The following DOCK1 variants were observed in gnomAD, a reference collection of about 807,000 sequenced individuals.
DOCK1 encodes dedicator of cytokinesis protein 1.
In DOCK1, 138 loss-of-function variants were observed where a neutral mutation model predicts 262.7. The observed-to-expected ratio is 0.53, with a 90% confidence interval of 0.46 to 0.61. The LOEUF (loss-of-function observed/expected upper bound fraction) is 0.61. Among genes scored for constraint, DOCK1 ranks in the 20% least tolerant of loss-of-function variants. The probability of loss-of-function intolerance (pLI) is 0.00; values close to 1 mark genes in which losing one functional copy is unlikely to be tolerated. For missense variants in DOCK1, 1,908 were observed against 2,370.7 expected (o/e 0.80, Z 4.05); for synonymous variants, 866 against 867.4 (o/e 1.00, Z 0.03).
intron 29 of DOCK1, among the ~76,000 whole-genome samples, chr10:127,292,235 G>C (rs1473689468): frequency 6.6e-6 from 1 of 151,824 alleles, no homozygotes; most frequent in Non-Finnish European, 1.5e-5. Context: ...GGGGAGGGGG[G>C]GCCCACTTCT....
Position 127,125,494 on chromosome 10 carries a change from C to T in DOCK1, c.2644C>T (p.Pro882Ser). The T allele has an allele frequency of 1.2e-6, 2 of 1,613,348 alleles. No homozygotes were observed. The highest frequency in any genetic ancestry group is 8.5e-7 in the Non-Finnish European group (1 of 1,179,800). Residue 882 changes from proline to serine, a missense_variant, in exon 26 of 52, where the codon CCC (proline) becomes TCC (serine). Around this residue, in one of 9 missense-constraint regions of DOCK1, gnomAD observed 518 missense variants for 575.1 expected, o/e 0.90. Transcript: ENST00000623213. ...TQHDCREILL[P>S]MMTDQLKYHL... Reference sequence around the variant, plus strand: ...TGTAGACTGCAGAGAGATCCTGCTTCCCATGATGACCGATCAGCTCAAGTA... The same window carrying T: ...TGTAGACTGCAGAGAGATCCTGCTTTCCATGATGACCGATCAGCTCAAGTA...
chr10:127,007,082 G>A (rs1323812095), intron 10 of DOCK1, among the ~76,000 whole-genome samples: 2 of 152,186 alleles, frequency 1.3e-5, no homozygotes, highest in South Asian at 2.1e-4. Context: ...GTGAGGGCCC[G>A]TGTCCAGACC....
chr10:127,031,621 C>A (rs751884834), intron 16 of DOCK1, 29 bp from the exon 17 acceptor site: 72 of 1,509,708 alleles, frequency 4.8e-5, no homozygotes, highest in Non-Finnish European at 6.0e-5. Flanking sequence ...TGAAAGCAAT[C>A]ATCAATTTTT....
intron 28 of DOCK1, among the ~76,000 whole-genome samples, chr10:127,249,594 T>C (rs2059557368): frequency 6.6e-6 from 1 of 152,194 alleles, no homozygotes; most frequent in Non-Finnish European, 1.5e-5. Flanking sequence ...CTAGATGGTC[T>C]AGCCTGTTGC....
chr10:127,142,336 A>G (rs1013181226), intron 27 of DOCK1, among the ~76,000 whole-genome samples: 1 of 152,138 alleles, frequency 6.6e-6, no homozygotes, highest in African/African-American at 2.4e-5. Flanking sequence ...GCAACCTCCC[A>G]GGCCTCACTC....
At chr10:126,936,404 C>T (rs2034559821) in intron 1 of DOCK1, among the ~76,000 whole-genome samples, 2 of 152,222 alleles carry the variant, frequency 1.3e-5, no homozygotes, top group Non-Finnish European at 2.9e-5. Flanking sequence ...ACAGACAGTG[C>T]ATAGGCTCAT....
At chr10:127,167,269 C>A (rs78914588) in intron 27 of DOCK1, among the ~76,000 whole-genome samples, 1 of 151,934 alleles carries the variant, frequency 6.6e-6, no homozygotes, top group Non-Finnish European at 1.5e-5. Flanking sequence ...TTTGGGGTTT[C>A]GAACTTGAAT....
At position 127,197,384 on chromosome 10, in the gene DOCK1, A is replaced by G. The variant is rs147063441; in HGVS notation, c.2848-50624A>G. Among the ~76,000 whole-genome samples the G allele has an allele frequency of 4.8e-3, 726 of 152,108 alleles. 6 individuals are homozygous for G. The highest frequency in any genetic ancestry group is 0.017 in the African/African-American group (692 of 41,506). ...GAGCTATCCCCGCCCTTAATTTCCC[A>G]CCCACCAAAGAGTATTGGGTGTTTT... On this transcript the variant is annotated intron_variant, in intron 27 of 51. Transcript: ENST00000623213.
At chr10:127,215,611 T>A (rs1250655969) in intron 27 of DOCK1, among the ~76,000 whole-genome samples, 1 of 152,212 alleles carries the variant, frequency 6.6e-6, no homozygotes, top group African/African-American at 2.4e-5. Flanking sequence ...ACAGATTGGC[T>A]TTGATAATGC....
intron 12 of DOCK1, among the ~76,000 whole-genome samples, chr10:127,013,178 G>A (rs947628604): frequency 6.6e-6 from 1 of 152,206 alleles, no homozygotes; most frequent in African/African-American, 2.4e-5. Flanking sequence ...CTAGGGATCT[G>A]CAGGGACCTC....
intron 13 of DOCK1, 68 bp downstream of exon 13, chr10:127,018,903 T>C: frequency 3.8e-6 from 6 of 1,591,860 alleles, no homozygotes; most frequent in Non-Finnish European, 5.1e-6. Flanking sequence ...GGATGACGTG[T>C]GGGCAGCATC....
At chr10:127,071,512 A>G (rs1193216049) in intron 23 of DOCK1, among the ~76,000 whole-genome samples, 4 of 152,220 alleles carry the variant, frequency 2.6e-5, no homozygotes, top group Non-Finnish European at 4.4e-5. Context: ...AAGTATTTCT[A>G]TTGGTTTTCT....
chr10:127,340,569 T>C (rs1565005666), intron 30 of DOCK1, among the ~76,000 whole-genome samples: 1 of 152,238 alleles, frequency 6.6e-6, no homozygotes, highest in Non-Finnish European at 1.5e-5. Context: ...CTGTGATACA[T>C]GTGTCTCTTA....
chr10:126,977,871 T>A lies in DOCK1; in HGVS notation c.131-77T>A, dbSNP rs1033730672. Reference sequence around the variant, plus strand: ...TCACTGGTTCTGCCAAACAGTGAGTTCTACACATCATGAATGTATTGTGAG... The same window carrying A: ...TCACTGGTTCTGCCAAACAGTGAGTACTACACATCATGAATGTATTGTGAG... On this transcript the variant is annotated intron_variant, in intron 2 of 51. Coordinates refer to ENST00000623213, the MANE Select transcript of DOCK1 (RefSeq NM_001290223.2). 56 of 1,431,462 alleles carry A rather than the reference T, an allele frequency of 3.9e-5. No homozygotes were observed. In the African/African-American group the frequency reaches 5.5e-4, roughly 14 times the overall value. 88.7% of individuals were successfully genotyped at this position (1,431,462 alleles called of 1,614,324 possible).
intron 27 of DOCK1, among the ~76,000 whole-genome samples, chr10:127,194,767 C>T (rs760410065): frequency 3.3e-5 from 5 of 152,178 alleles, no homozygotes; most frequent in African/African-American, 1.2e-4. Flanking sequence ...CTATCCTGAG[C>T]TGTAGTCTTC....
intron 27 of DOCK1, chr10:127,136,693 T>C (rs2050730874): frequency 1.3e-5 from 2 of 152,628 alleles, no homozygotes; most frequent in African/African-American, 4.8e-5. Context: ...ATTTAAAAAA[T>C]ACCTAAAAAC....
At chr10:127,107,367 G>A (rs1180912746) in intron 24 of DOCK1, among the ~76,000 whole-genome samples, 1 of 152,138 alleles carries the variant, frequency 6.6e-6, no homozygotes, top group East Asian at 1.9e-4. Flanking sequence ...TGGAATTGAA[G>A]GGCGAGGGGC....
chr10:126,926,420 C>T (rs1418484553), intron 1 of DOCK1, among the ~76,000 whole-genome samples: 1 of 152,106 alleles, frequency 6.6e-6, no homozygotes, highest in Non-Finnish European at 1.5e-5. Flanking sequence ...AACATTTTCC[C>T]GTAAGTATTT....
intron 29 of DOCK1, among the ~76,000 whole-genome samples, chr10:127,280,958 A>G (rs1341116383): frequency 1.3e-5 from 2 of 152,196 alleles, no homozygotes. Flanking sequence ...CAAATCACCA[A>G]CACTATTTAG....
Sources: allele counts gnomAD v4.1 joint callset (sites outside exome capture counted in the v4.1 genomes callset), GRCh38; gene constraint gnomAD v4.1.1; regional missense constraint gnomAD v4.1.1; transcripts MANE v1.5; gene names NCBI Gene and HGNC (gene_info 2026-07-23, HGNC 2026-07-21).